CDH12: variants seen among roughly 807,000 people sequenced by gnomAD.
CDH12 encodes cadherin 12, also known as cadherin-12.
A neutral mutation model predicts 74.1 loss-of-function variants in CDH12; 41 were observed. That is an observed-to-expected ratio of 0.55 (90% confidence interval 0.43 to 0.72). CDH12 has a LOEUF of 0.72. Among genes scored for constraint, CDH12 ranks in the 30% least tolerant of loss-of-function variants. The pLI, the probability that CDH12 is intolerant of heterozygous loss-of-function variation, is 0.00. For missense variants in CDH12, 945 were observed against 977.2 expected, an observed-to-expected ratio of 0.97 and a Z score of 0.44; for synonymous variants, 399 against 355.0, an observed-to-expected ratio of 1.12 and a Z score of -1.39.
intron 3 of CDH12, among the ~76,000 whole-genome samples, chr5:22,379,032 C>T (rs969145256): frequency 6.6e-6 from 1 of 152,044 alleles, no homozygotes; most frequent in Non-Finnish European, 1.5e-5. Flanking sequence ...AACTACTTAA[C>T]ATTATAATAG....
chr5:22,613,418 T>C (rs1330651735), intron 1 of CDH12, among the ~76,000 whole-genome samples: 1 of 152,090 alleles, frequency 6.6e-6, no homozygotes, highest in African/African-American at 2.4e-5. Flanking sequence ...CTTGTGCAAC[T>C]GTACAGTGGG....
At chr5:22,752,216 A>G (rs1745614323) in intron 1 of CDH12, among the ~76,000 whole-genome samples, 1 of 152,208 alleles carries the variant, frequency 6.6e-6, no homozygotes. Flanking sequence ...ATTATGGAAA[A>G]TGTTTGCACT....
chr5:22,002,924 A>G (rs1425560661), intron 5 of CDH12, among the ~76,000 whole-genome samples: 1 of 152,124 alleles, frequency 6.6e-6, no homozygotes, highest in East Asian at 1.9e-4. Flanking sequence ...GCACTCTAAG[A>G]GAAAGTTTGG....
chr5:22,281,248 A>T (rs569918911), intron 3 of CDH12, among the ~76,000 whole-genome samples: 39 of 152,334 alleles, frequency 2.6e-4, no homozygotes, highest in African/African-American at 8.9e-4. Flanking sequence ...GCTATTTATG[A>T]CAAACCCACA....
At chr5:21,848,381 A>T (rs933504201) in intron 7 of CDH12, among the ~76,000 whole-genome samples, 1 of 152,002 alleles carries the variant, frequency 6.6e-6, no homozygotes, top group African/African-American at 2.4e-5. Flanking sequence ...AAGAGTAATG[A>T]TAGTACTCAA....
At position 22,506,791 on chromosome 5, in the gene CDH12, T is replaced by C. The variant is rs116358095; in HGVS notation, c.-522-1427A>G. On this transcript the variant is annotated intron_variant, in intron 1 of 14. Transcript: ENST00000382254. ...AGACATCCATAATTGTCTCTATATC[T>C]ATCAATCTGTATCTATAATTAGATA... Among the ~76,000 whole-genome samples, 1,246 of 152,278 alleles carry C rather than the reference T, an allele frequency of 8.2e-3. 17 individuals carry two copies. The highest frequency in any genetic ancestry group is 0.029 in the African/African-American group (1,205 of 41,558).
intron 6 of CDH12, among the ~76,000 whole-genome samples, chr5:21,953,314 G>C (rs540915717): frequency 2.6e-4 from 39 of 152,174 alleles, no homozygotes; most frequent in African/African-American, 8.7e-4. Flanking sequence ...CTCCTCCCCT[G>C]ACCTACCTGC....
At chr5:22,778,287 A>T (rs949658436) in intron 1 of CDH12, among the ~76,000 whole-genome samples, 8 of 152,206 alleles carry the variant, frequency 5.3e-5, no homozygotes, top group African/African-American at 1.9e-4. Context: ...CCATTAATCA[A>T]CACATTGTAA....
At chr5:22,790,347 T>C (rs928524466) in intron 1 of CDH12, among the ~76,000 whole-genome samples, 1 of 152,152 alleles carries the variant, frequency 6.6e-6, no homozygotes, top group Non-Finnish European at 1.5e-5. Flanking sequence ...TTCTTAACAT[T>C]TGAGAAGAAA....
At chr5:22,491,616 A>C (rs938298580) in intron 2 of CDH12, among the ~76,000 whole-genome samples, 1 of 27,710 alleles carries the variant, frequency 3.6e-5, no homozygotes, top group African/African-American at 1.5e-4. Flanking sequence ...TGAGCAAAAA[A>C]AAAAACAAAA....
intron 1 of CDH12, among the ~76,000 whole-genome samples, chr5:22,560,921 C>T (rs1339788404): frequency 6.6e-6 from 1 of 151,952 alleles, no homozygotes; most frequent in Non-Finnish European, 1.5e-5. Flanking sequence ...AGTCTTCAAC[C>T]TAGAGCACAG....
intron 5 of CDH12, among the ~76,000 whole-genome samples, chr5:22,037,498 C>A: frequency 6.6e-6 from 1 of 152,116 alleles, no homozygotes; most frequent in East Asian, 1.9e-4. Context: ...CCAAGAGGCC[C>A]CAGATGGAAT....
At chr5:22,449,685 C>T (rs1744966849) in intron 2 of CDH12, among the ~76,000 whole-genome samples, 1 of 151,896 alleles carries the variant, frequency 6.6e-6, no homozygotes, top group African/African-American at 2.4e-5. Context: ...CCTTATCATC[C>T]ACATTAATTC....
intron 3 of CDH12, among the ~76,000 whole-genome samples, chr5:22,326,321 GC>G (rs1329275475): frequency 6.6e-6 from 1 of 151,544 alleles, no homozygotes; most frequent in Admixed American, 6.6e-5. Context: ...TGCAGGCTCC[GC>G]CCCCCGGGGT....
intron 3 of CDH12, among the ~76,000 whole-genome samples, chr5:22,222,498 T>A (rs892188302): frequency 1.3e-5 from 2 of 151,984 alleles, no homozygotes; most frequent in African/African-American, 2.4e-5. Flanking sequence ...TGCTTTTCAA[T>A]CTCACTGAAT....
intron 2 of CDH12, among the ~76,000 whole-genome samples, chr5:22,422,618 AG>A (rs1401893958): frequency 2.6e-5 from 4 of 152,184 alleles, no homozygotes. Context: ...TCTAATAAAA[AG>A]ATTTTTTTAT....
chr5:22,789,929 A>G (rs746259037), intron 1 of CDH12, among the ~76,000 whole-genome samples: 9 of 152,026 alleles, frequency 5.9e-5, no homozygotes, highest in Admixed American at 1.3e-4. Flanking sequence ...CATTTAAATT[A>G]CAGTAAAATC....
intron 3 of CDH12, among the ~76,000 whole-genome samples, chr5:22,225,346 G>A (rs1752158677): frequency 6.6e-6 from 1 of 152,078 alleles, no homozygotes; most frequent in Admixed American, 6.6e-5. Context: ...TATAAAGGGA[G>A]ATAAGTCATT....
intron 6 of CDH12, among the ~76,000 whole-genome samples, chr5:21,911,185 A>T (rs1317108789): frequency 6.6e-6 from 1 of 152,174 alleles, no homozygotes; most frequent in Non-Finnish European, 1.5e-5. Flanking sequence ...TTATTTATCT[A>T]AGCTTAACAA....
Sources: allele counts gnomAD v4.1 joint callset (sites outside exome capture counted in the v4.1 genomes callset), GRCh38; gene constraint gnomAD v4.1.1; transcripts MANE v1.5; gene names NCBI Gene and HGNC (gene_info 2026-07-23, HGNC 2026-07-21).